The following PRELID2 variants were observed in gnomAD, a reference collection of about 807,000 sequenced individuals.
PRELID2 encodes PRELI domain-containing protein 2.
PRELID2 carries 25 observed loss-of-function variants against 28.4 expected under a neutral mutation model. The ratio of observed to expected loss-of-function variants is 0.88; its 90% confidence interval spans 0.64 to 1.23. The LOEUF is 1.23. Among genes scored for constraint, PRELID2 ranks in the 50% most tolerant of loss-of-function variants. The pLI, the probability that PRELID2 is intolerant of heterozygous loss-of-function variation, is 0.00. For missense variants in PRELID2, 201 were observed against 214.4 expected (o/e 0.94, Z 0.39); for synonymous variants, 76 against 71.6 (o/e 1.06, Z -0.31).
intron 1 of PRELID2, among the ~76,000 whole-genome samples, chr5:145,526,744 C>A (rs1049487885): frequency 6.6e-6 from 1 of 152,078 alleles, no homozygotes; most frequent in Admixed American, 6.6e-5. Flanking sequence ...CTCCAGAAGG[C>A]GTGATCAGAG....
chr5:145,458,890 A>G, the PRELID2 span, among the ~76,000 whole-genome samples: 6 of 152,322 alleles, frequency 3.9e-5, no homozygotes, highest in African/African-American at 1.4e-4. Context: ...AAATAAGTCA[A>G]TAAGTAATGG....
chr5:145,268,244 GT>G, the PRELID2 span, among the ~76,000 whole-genome samples: 1 of 152,086 alleles, frequency 6.6e-6, no homozygotes, highest in African/African-American at 2.4e-5. Context: ...TTTCTGGAGG[GT>G]TTTCTTTTAG....
At chr5:145,790,423 A>T (rs1274242978) in intron 5 of PRELID2, among the ~76,000 whole-genome samples, 1 of 152,078 alleles carries the variant, frequency 6.6e-6, no homozygotes, top group Non-Finnish European at 1.5e-5. Flanking sequence ...TAAAATCTAA[A>T]AAAGTTAAAC....
chr5:145,238,103 A>C, the PRELID2 span, among the ~76,000 whole-genome samples: 1 of 152,104 alleles, frequency 6.6e-6, no homozygotes, highest in Non-Finnish European at 1.5e-5. Context: ...CGCCACCTAG[A>C]GTTCACTGTA....
the PRELID2 span, among the ~76,000 whole-genome samples, chr5:145,377,841 G>C: frequency 6.6e-6 from 1 of 152,044 alleles, no homozygotes; most frequent in African/African-American, 2.4e-5. Context: ...GGGAAATTTA[G>C]CCCATTTACA....
chr5:145,523,192 T>C lies in PRELID2; in HGVS notation n.71-49877A>G, dbSNP rs143018797. On this transcript the variant is annotated intron_variant and non_coding_transcript_variant, in intron 1 of 2. Transcript: ENST00000510259. ...GACTCAGAAAGTGGTTCTTTTTAGATGAGAAACATGATGTCAAAGGCACAT... is the reference window on the plus strand; with the variant it reads ...GACTCAGAAAGTGGTTCTTTTTAGACGAGAAACATGATGTCAAAGGCACAT... 2.4e-3 allele frequency among the ~76,000 whole-genome samples: 361 copies of C among 152,244 alleles called. 1 individual carries two copies. The highest frequency in any genetic ancestry group is 8.2e-3 in the African/African-American group (340 of 41,540).
chr5:145,819,570 T>C, intron 3 of PRELID2: 1 of 583,756 alleles, frequency 1.7e-6, no homozygotes, highest in Non-Finnish European at 3.0e-6. Flanking sequence ...CTGAAGTTTT[T>C]CTCTTTCTTA....
chr5:145,820,163 ACGGTCTCGGCT>A, intron 2 of PRELID2, 145 bp from the exon 3 acceptor site: 1 of 573,966 alleles, frequency 1.7e-6, no homozygotes. Context: ...GTGCAATGGC[ACGGTCTCGGCT>A]CACTGCAACT....
At chr5:145,329,244 G>T in the PRELID2 span, among the ~76,000 whole-genome samples, 1 of 152,114 alleles carries the variant, frequency 6.6e-6, no homozygotes, top group African/African-American at 2.4e-5. Context: ...TTTTGCTTAG[G>T]ATTGTCTTGG....
At chr5:145,394,101 A>G in the PRELID2 span, among the ~76,000 whole-genome samples, 1 of 152,176 alleles carries the variant, frequency 6.6e-6, no homozygotes, top group Non-Finnish European at 1.5e-5. Context: ...AAAGGATTAT[A>G]AATCATGCTG....
chr5:145,781,380 G>A (rs1751576875), intron 5 of PRELID2, among the ~76,000 whole-genome samples: 1 of 152,008 alleles, frequency 6.6e-6, no homozygotes, highest in South Asian at 2.1e-4. Flanking sequence ...CAGCTGATAT[G>A]TCTGAATGAC....
the PRELID2 span, among the ~76,000 whole-genome samples, chr5:145,339,104 A>G: frequency 1.3e-5 from 2 of 152,344 alleles, no homozygotes; most frequent in South Asian, 2.1e-4. Context: ...AAAGTGAACT[A>G]CAGAACTTAA....
At chr5:145,755,234 G>T (rs1757225868), downstream of PRELID2, among the ~76,000 whole-genome samples, 1 of 152,150 alleles carries the variant, frequency 6.6e-6, no homozygotes, top group Admixed American at 6.5e-5. Flanking sequence ...GATGCTCAGG[G>T]CATTTTGCTT....
chr5:145,574,129 A>G (rs2149619929), intron 1 of PRELID2, among the ~76,000 whole-genome samples: 1 of 152,296 alleles, frequency 6.6e-6, no homozygotes, highest in African/African-American at 2.4e-5. Context: ...GGAGGCAGAA[A>G]AGAGAGAAAT....
At chr5:145,437,278 T>C in the PRELID2 span, 2 of 152,308 alleles carry the variant, frequency 1.3e-5, no homozygotes, top group African/African-American at 4.8e-5. Flanking sequence ...GGCATGCATA[T>C]AAGTGCAGTT....
the PRELID2 span, among the ~76,000 whole-genome samples, chr5:145,413,161 C>T: frequency 1.3e-5 from 2 of 152,158 alleles, no homozygotes; most frequent in South Asian, 4.1e-4. Context: ...ATAATAATCT[C>T]ATCAAAAACT....
chr5:145,740,847 T>TATATATGTACATATATTTATCGATAA (rs1756677952), intron 1 of PRELID2, among the ~76,000 whole-genome samples: 1 of 40,072 alleles, frequency 2.5e-5, no homozygotes, highest in Non-Finnish European at 5.6e-5. Context: ...TATCGATAAA[T>TATATATGTACATATATTTATCGATAA]ATATATGTAC....
chr5:145,785,335 A>G (rs1025756082), intron 5 of PRELID2, among the ~76,000 whole-genome samples: 9 of 152,236 alleles, frequency 5.9e-5, no homozygotes, highest in African/African-American at 2.2e-4. Flanking sequence ...ACATACAGAC[A>G]AAACTTTGTT....
At chr5:145,631,921 T>C (rs1460378228) in intron 1 of PRELID2, among the ~76,000 whole-genome samples, 1 of 152,226 alleles carries the variant, frequency 6.6e-6, no homozygotes, top group Non-Finnish European at 1.5e-5. Context: ...GGCTCCACAG[T>C]GACCATTGCA....
Sources: gnomAD v4.1 joint callset for allele counts (sites outside exome capture counted in the v4.1 genomes callset) on GRCh38, gnomAD v4.1.1 for gene constraint, MANE v1.5 for transcripts, NCBI Gene and HGNC (gene_info 2026-07-23, HGNC 2026-07-21) for gene names.